The following NFIA variants were observed in gnomAD, a reference collection of about 807,000 sequenced individuals.
The protein encoded by NFIA is nuclear factor I A.
NFIA carries 8 observed loss-of-function variants against 62.8 expected under a neutral mutation model. That is an observed-to-expected ratio of 0.13 (90% CI 0.07 to 0.23). NFIA has a LOEUF of 0.23. Ranked by LOEUF, NFIA falls within the 10% of genes least tolerant of loss-of-function variation. The probability of loss-of-function intolerance (pLI) is 1.00; values close to 1 mark genes in which losing one functional copy is unlikely to be tolerated. For synonymous variants in NFIA, 235 were observed against 238.1 expected (o/e 0.99, Z 0.12); for missense variants, 410 against 642.1 (o/e 0.64, Z 3.91).
chr1:61,082,099 T>C, upstream of NFIA: 1 of 1,500,848 alleles, frequency 6.7e-7, no homozygotes, highest in Non-Finnish European at 9.0e-7. Flanking sequence ...GGAAAAGTAG[T>C]TTTGTTTGCT....
At chr1:61,188,889 G>A (rs534022127) in intron 2 of NFIA, among the ~76,000 whole-genome samples, 35 of 152,216 alleles carry the variant, frequency 2.3e-4, no homozygotes, top group African/African-American at 8.2e-4. Context: ...TTCCATCTGG[G>A]TCAAATTACT....
At chr1:61,150,227 A>G (rs143930421) in intron 2 of NFIA, among the ~76,000 whole-genome samples, 1 of 152,222 alleles carries the variant, frequency 6.6e-6, no homozygotes, top group African/African-American at 2.4e-5. Context: ...TTCTCTGCCA[A>G]GTCCCTTTAG....
chr1:61,334,615 A>G (rs1422708504), intron 4 of NFIA, among the ~76,000 whole-genome samples: 1 of 130,130 alleles, frequency 7.7e-6, no homozygotes, highest in African/African-American at 2.9e-5. Flanking sequence ...ATATATATGT[A>G]TCAGACCATA....
intron 3 of NFIA, among the ~76,000 whole-genome samples, chr1:61,278,917 G>A (rs914355252): frequency 6.6e-6 from 1 of 152,128 alleles, no homozygotes; most frequent in Non-Finnish European, 1.5e-5. Flanking sequence ...CTCTAAAACA[G>A]GGTAATAATA....
Position 61,352,750 on chromosome 1 carries a change from A to G in NFIA, c.818+183A>G, listed in dbSNP as rs7528918. ...ATAAAGCAAATATGCATGTGGCAAG[A>G]TTAAATACACACACACACACACACA... On this transcript the variant is annotated intron_variant, in intron 5 of 10. Coordinates refer to ENST00000403491, the MANE Select transcript of NFIA (RefSeq NM_001134673.4). Among the ~76,000 whole-genome samples the G allele has an allele frequency of 0.88, 132,833 of 151,418 alleles. 58,284 individuals are homozygous for G. The highest frequency in any genetic ancestry group is 0.95 in the East Asian group (4,911 of 5,152).
At chr1:61,424,508 G>A (rs535288583) in intron 9 of NFIA, among the ~76,000 whole-genome samples, 5 of 152,140 alleles carry the variant, frequency 3.3e-5, no homozygotes, top group East Asian at 1.9e-4. Context: ...ATGGACTCAC[G>A]TTTCAGCGTC....
chr1:61,272,542 C>T (rs912400298), intron 2 of NFIA, among the ~76,000 whole-genome samples: 3 of 152,124 alleles, frequency 2.0e-5, no homozygotes, highest in Non-Finnish European at 4.4e-5. Context: ...AATTATTTCT[C>T]TATTACAACC....
intron 9 of NFIA, among the ~76,000 whole-genome samples, chr1:61,424,172 T>C (rs1666760803): frequency 6.6e-6 from 1 of 152,130 alleles, no homozygotes; most frequent in South Asian, 2.1e-4. Context: ...GAAGAGAAAA[T>C]ATCTGATTGT....
At chr1:61,322,589 C>T (rs1660732810) in intron 3 of NFIA, among the ~76,000 whole-genome samples, 1 of 152,142 alleles carries the variant, frequency 6.6e-6, no homozygotes, top group South Asian at 2.1e-4. Flanking sequence ...CACTTGCGTT[C>T]ACTTTCTGGT....
rs140914030 is a variant in NFIA at position 61,151,584 on chromosome 1, C to T, written c.559+62904C>T. Among the ~76,000 whole-genome samples the T allele has an allele frequency of 4.8e-3, 732 of 152,204 alleles. 11 individuals carry two copies. The highest frequency in any genetic ancestry group is 0.031 in the Admixed American group (470 of 15,280). ...ATGAGATTTATGACCCTCTGGATCC[C>T]AGATTTTATGTCGCGTAACCATTCC... On this transcript the variant is annotated intron_variant, in intron 2 of 10. Transcript: ENST00000403491.
intron 6 of NFIA, among the ~76,000 whole-genome samples, chr1:61,369,262 C>T (rs1022076109): frequency 1.3e-5 from 2 of 152,168 alleles, no homozygotes; most frequent in Non-Finnish European, 2.9e-5. Context: ...CAAATCTCCC[C>T]TGCCTGAAAC....
intron 9 of NFIA, among the ~76,000 whole-genome samples, chr1:61,421,727 G>A (rs1293500997): frequency 6.6e-6 from 1 of 152,188 alleles, no homozygotes; most frequent in Admixed American, 6.5e-5. Context: ...CACCCTGTGG[G>A]TATATGGAGG....
intron 3 of NFIA, among the ~76,000 whole-genome samples, chr1:61,312,575 C>T (rs372056195): frequency 3.3e-5 from 5 of 151,808 alleles, no homozygotes; most frequent in African/African-American, 4.8e-5. Flanking sequence ...TGAAGTGGCA[C>T]GATCATGGCT....
chr1:61,151,905 C>T (rs1648448414), intron 2 of NFIA, among the ~76,000 whole-genome samples: 1 of 152,152 alleles, frequency 6.6e-6, no homozygotes, highest in Non-Finnish European at 1.5e-5. Flanking sequence ...ATTCTTTCTG[C>T]AATCACCCTC....
chr1:61,272,855 A>G (rs1557675302), intron 2 of NFIA, among the ~76,000 whole-genome samples: 1 of 152,106 alleles, frequency 6.6e-6, no homozygotes, highest in Non-Finnish European at 1.5e-5. Context: ...TCTTTCACTA[A>G]TATTTTTGGG....
At chr1:61,272,473 T>A (rs1657571265) in intron 2 of NFIA, among the ~76,000 whole-genome samples, 1 of 152,224 alleles carries the variant, frequency 6.6e-6, no homozygotes, top group Non-Finnish European at 1.5e-5. Context: ...GTAATAAACT[T>A]ATGGTACTGG....
At chr1:61,237,982 G>A (rs1480217782) in intron 2 of NFIA, among the ~76,000 whole-genome samples, 1 of 152,140 alleles carries the variant, frequency 6.6e-6, no homozygotes, top group Non-Finnish European at 1.5e-5. Context: ...TAAAATGAGT[G>A]CATCTAATAA....
chr1:61,145,506 T>C (rs1257101150), intron 2 of NFIA, among the ~76,000 whole-genome samples: 1 of 152,202 alleles, frequency 6.6e-6, no homozygotes, highest in Non-Finnish European at 1.5e-5. Flanking sequence ...GTATCTACTA[T>C]GTGCCAAGCA....
intron 2 of NFIA, among the ~76,000 whole-genome samples, chr1:61,184,556 G>A (rs1374109794): frequency 2.6e-5 from 4 of 152,258 alleles, no homozygotes; most frequent in Non-Finnish European, 5.9e-5. Context: ...CAGAGGCCAA[G>A]GGTACAGCAC....
Sources: gnomAD v4.1 joint callset for allele counts (sites outside exome capture counted in the v4.1 genomes callset) on GRCh38, gnomAD v4.1.1 for gene constraint, MANE v1.5 for transcripts, NCBI Gene and HGNC (gene_info 2026-07-23, HGNC 2026-07-21) for gene names.